Variants in DNAJC1 observed in about 807,000 individuals in gnomAD.
The protein encoded by DNAJC1 is DnaJ heat shock protein family (Hsp40) member C1, also known as dnaJ homolog subfamily C member 1.
A neutral mutation model predicts 76.6 loss-of-function variants in DNAJC1; 58 were observed. The ratio of observed to expected loss-of-function variants is 0.76; its 90% CI spans 0.61 to 0.94. The LOEUF (loss-of-function observed/expected upper bound fraction) is 0.94. DNAJC1 is among the 40% of genes least tolerant of loss of function. The probability of loss-of-function intolerance (pLI) is 0.00; values close to 1 mark genes in which losing one functional copy is unlikely to be tolerated. For missense variants in DNAJC1, 689 were observed against 677.3 expected, an observed-to-expected ratio of 1.02 and a Z score of -0.19; for synonymous variants, 258 against 267.9, an observed-to-expected ratio of 0.96 and a Z score of 0.36.
At chr10:21,917,926 A>G (rs1836980792) in intron 6 of DNAJC1, among the ~76,000 whole-genome samples, 1 of 152,062 alleles carries the variant, frequency 6.6e-6, no homozygotes, top group East Asian at 1.9e-4. Context: ...TCCTTAAAAA[A>G]TCAGGAAAAA....
chr10:21,998,578 T>C (rs1055196492), intron 1 of DNAJC1, among the ~76,000 whole-genome samples: 3 of 151,968 alleles, frequency 2.0e-5, no homozygotes, highest in Non-Finnish European at 4.4e-5. Context: ...TCCCCCCATC[T>C]CCTCTGAAAA....
At chr10:21,767,010 A>C (rs911588919) in intron 9 of DNAJC1, among the ~76,000 whole-genome samples, 1 of 152,054 alleles carries the variant, frequency 6.6e-6, no homozygotes, top group African/African-American at 2.4e-5. Context: ...TTCATTATGC[A>C]AACAGGTCAT....
At chr10:21,960,739 A>G (rs1837777496) in intron 1 of DNAJC1, among the ~76,000 whole-genome samples, 1 of 152,196 alleles carries the variant, frequency 6.6e-6, no homozygotes, top group Admixed American at 6.5e-5. Context: ...TGCAAATCAT[A>G]TGTCTGGTAA....
chr10:21,782,365 C>T (rs1405794771), intron 9 of DNAJC1, among the ~76,000 whole-genome samples: 1 of 152,152 alleles, frequency 6.6e-6, no homozygotes, highest in Non-Finnish European at 1.5e-5. Flanking sequence ...TCTGAATAGA[C>T]CAATAACAGG....
chr10:21,867,758 A>T (rs550814505), intron 8 of DNAJC1, among the ~76,000 whole-genome samples: 1 of 152,166 alleles, frequency 6.6e-6, no homozygotes, highest in South Asian at 2.1e-4. Context: ...CAGTTTCAGG[A>T]ACATCCATAT....
At chr10:21,845,498 G>T (rs927210402) in intron 8 of DNAJC1, among the ~76,000 whole-genome samples, 6 of 151,956 alleles carry the variant, frequency 3.9e-5, no homozygotes, top group South Asian at 4.2e-4. Context: ...GGGACTATAG[G>T]TGTGTGCCAC....
intron 11 of DNAJC1, among the ~76,000 whole-genome samples, chr10:21,757,142 TC>T (rs1834185269): frequency 6.6e-6 from 1 of 152,224 alleles, no homozygotes; most frequent in Non-Finnish European, 1.5e-5. Flanking sequence ...TTAGTCTTCT[TC>T]CGTGGGTCTG....
chr10:21,930,724 G>A (rs1157604976), intron 1 of DNAJC1, among the ~76,000 whole-genome samples: 1 of 152,042 alleles, frequency 6.6e-6, no homozygotes, highest in African/African-American at 2.4e-5. Flanking sequence ...TAATAAAATT[G>A]ACATGTTCCC....
chr10:21,803,686 G>T, intron 9 of DNAJC1: 1 of 316,096 alleles, frequency 3.2e-6, no homozygotes, highest in Non-Finnish European at 4.6e-6. Flanking sequence ...TTATTGAAAT[G>T]AATAGTCCAG....
At chr10:21,825,103 G>A (rs191068134) in intron 8 of DNAJC1, among the ~76,000 whole-genome samples, 2 of 152,226 alleles carry the variant, frequency 1.3e-5, no homozygotes, top group Admixed American at 1.3e-4. Flanking sequence ...ACAATTTTAA[G>A]TGCACCATTC....
intron 8 of DNAJC1, among the ~76,000 whole-genome samples, chr10:21,867,055 T>A (rs528627115): frequency 6.6e-6 from 1 of 152,096 alleles, no homozygotes; most frequent in Non-Finnish European, 1.5e-5. Context: ...AATACCTATA[T>A]TACAAGAAAG....
chr10:21,917,810 A>T (rs1279646529), intron 6 of DNAJC1, among the ~76,000 whole-genome samples: 1 of 152,032 alleles, frequency 6.6e-6, no homozygotes, highest in Non-Finnish European at 1.5e-5. Flanking sequence ...AATTTCTCAA[A>T]GGATAAAAAG....
intron 8 of DNAJC1, among the ~76,000 whole-genome samples, chr10:21,836,901 CTCTCCG>C (rs1400073976): frequency 1.3e-5 from 2 of 152,144 alleles, no homozygotes; most frequent in Non-Finnish European, 2.9e-5. Flanking sequence ...CTCCCTCTCC[CTCTCCG>C]TCTCTCCACG....
chr10:21,951,038 A>T (rs867278157), intron 1 of DNAJC1, among the ~76,000 whole-genome samples: 16 of 150,632 alleles, frequency 1.1e-4, no homozygotes, highest in East Asian at 7.7e-4. Flanking sequence ...CAGATAGATT[A>T]AAAAAAAAAG....
chr10:21,875,201 A>C (rs1009507397), intron 8 of DNAJC1, among the ~76,000 whole-genome samples: 12 of 152,006 alleles, frequency 7.9e-5, no homozygotes, highest in African/African-American at 2.7e-4. Flanking sequence ...TTTTTGAGAC[A>C]GTGGAGTACA....
chr10:21,935,613 A>C (rs1837299147), intron 1 of DNAJC1, among the ~76,000 whole-genome samples: 1 of 152,102 alleles, frequency 6.6e-6, no homozygotes, highest in Non-Finnish European at 1.5e-5. Context: ...GAAAGACATA[A>C]ACCTATATAT....
intron 8 of DNAJC1, among the ~76,000 whole-genome samples, chr10:21,822,451 AAATAAATAAATG>A (rs1373888645): frequency 0.17 from 4,351 of 25,268 alleles, 103 homozygotes; most frequent in Middle Eastern, 0.27. Flanking sequence ...ATAAATAAAT[AAATAAATAAATG>A]AATAATAAAA....
intron 9 of DNAJC1, among the ~76,000 whole-genome samples, chr10:21,777,423 G>A (rs146251945): frequency 6.6e-6 from 1 of 152,294 alleles, no homozygotes; most frequent in East Asian, 1.9e-4. Flanking sequence ...AGCATAATGA[G>A]TCCTTGGATA....
intron 1 of DNAJC1, among the ~76,000 whole-genome samples, chr10:21,936,918 A>C (rs1837320992): frequency 6.6e-6 from 1 of 152,194 alleles, no homozygotes; most frequent in African/African-American, 2.4e-5. Flanking sequence ...TAGCAAAAGT[A>C]AGTCATTCCT....
Sources: gnomAD v4.1 joint callset for allele counts (sites outside exome capture counted in the v4.1 genomes callset) on GRCh38, gnomAD v4.1.1 for gene constraint, MANE v1.5 for transcripts, NCBI Gene and HGNC (gene_info 2026-07-23, HGNC 2026-07-21) for gene names.